FTO: variants seen among roughly 807,000 people sequenced by gnomAD.
FTO encodes the protein alpha-ketoglutarate-dependent dioxygenase FTO.
A neutral mutation model predicts 63.9 loss-of-function variants in FTO; 47 were observed. The observed-to-expected ratio is 0.74, with a 90% CI of 0.58 to 0.94. The LOEUF (loss-of-function observed/expected upper bound fraction) is 0.94. FTO is among the 40% of genes least tolerant of loss of function. FTO has a pLI of 0.00. For synonymous variants in FTO, 207 were observed against 224.4 expected (o/e 0.92, Z 0.69); for missense variants, 562 against 618.1 (o/e 0.91, Z 0.96).
intron 1 of FTO, among the ~76,000 whole-genome samples, chr16:53,792,721 G>A (rs2077957169): frequency 6.6e-6 from 1 of 152,150 alleles, no homozygotes; most frequent in African/African-American, 2.4e-5. Flanking sequence ...GACTACCAAA[G>A]TATAAGATTT....
chr16:53,707,866 T>A (rs1465651899), intron 1 of FTO, among the ~76,000 whole-genome samples: 1 of 152,216 alleles, frequency 6.6e-6, no homozygotes, highest in Non-Finnish European at 1.5e-5. Flanking sequence ...TTGTATTCAT[T>A]TGCAGTTATT....
At chr16:53,772,175 T>C (rs896771820) in intron 1 of FTO, among the ~76,000 whole-genome samples, 7 of 152,100 alleles carry the variant, frequency 4.6e-5, no homozygotes, top group African/African-American at 1.7e-4. Flanking sequence ...TCTGATCTTT[T>C]TCCCTGAATC....
At chr16:53,742,052 T>G (rs1237995681) in intron 1 of FTO, among the ~76,000 whole-genome samples, 1 of 151,680 alleles carries the variant, frequency 6.6e-6, no homozygotes, top group Non-Finnish European at 1.5e-5. Context: ...GAGTGGGGGG[T>G]AGGTTACAGA....
At chr16:53,841,951 T>G (rs1299307672) in intron 3 of FTO, among the ~76,000 whole-genome samples, 1 of 152,248 alleles carries the variant, frequency 6.6e-6, no homozygotes, top group African/African-American at 2.4e-5. Context: ...TAAACTTCTT[T>G]AGTACTGAGG....
intron 8 of FTO, among the ~76,000 whole-genome samples, chr16:54,022,960 T>A (rs1331405571): frequency 6.6e-6 from 1 of 152,230 alleles, no homozygotes; most frequent in Non-Finnish European, 1.5e-5. Context: ...TCAAAGGCAT[T>A]TGAAACGTGG....
At chr16:53,873,497 A>C (rs1437882131) in intron 4 of FTO, among the ~76,000 whole-genome samples, 2 of 149,366 alleles carry the variant, frequency 1.3e-5, no homozygotes, top group Admixed American at 6.7e-5. Context: ...AGTATATATA[A>C]GTATATCATA....
intron 1 of FTO, among the ~76,000 whole-genome samples, chr16:53,732,763 A>G (rs954505943): frequency 4.6e-5 from 7 of 152,156 alleles, no homozygotes; most frequent in African/African-American, 1.7e-4. Context: ...AGGCCAGCAG[A>G]TTTCTGTTTA....
intron 8 of FTO, among the ~76,000 whole-genome samples, chr16:54,094,542 C>T (rs1348233242): frequency 2.6e-5 from 4 of 152,170 alleles, no homozygotes; most frequent in African/African-American, 4.8e-5. Context: ...CCTGAATTCA[C>T]GGCACCAAAA....
intron 1 of FTO, among the ~76,000 whole-genome samples, chr16:53,709,247 A>C (rs2075707954): frequency 6.6e-6 from 1 of 152,244 alleles, no homozygotes; most frequent in African/African-American, 2.4e-5. Context: ...AGGTTGGACC[A>C]CATAGCTTTC....
intron 1 of FTO, among the ~76,000 whole-genome samples, chr16:53,776,366 C>T (rs890278661): frequency 7.9e-5 from 12 of 152,092 alleles, no homozygotes; most frequent in Admixed American, 6.5e-5. Context: ...GGGCCTTAAG[C>T]GAATTACACA....
chr16:53,842,106 A>AT (rs1371492025), intron 3 of FTO, among the ~76,000 whole-genome samples: 3 of 152,178 alleles, frequency 2.0e-5, no homozygotes, highest in African/African-American at 7.2e-5. Flanking sequence ...CTAAAAGAAC[A>AT]TTTTGTTTAA....
intron 4 of FTO, among the ~76,000 whole-genome samples, chr16:53,857,982 A>C (rs931659141): frequency 7.4e-5 from 11 of 147,754 alleles, no homozygotes; most frequent in African/African-American, 2.7e-4. Context: ...CAATGCTCAA[A>C]ATATAAAAGT....
At chr16:54,038,678 A>G (rs952534712) in intron 8 of FTO, among the ~76,000 whole-genome samples, 1 of 152,020 alleles carries the variant, frequency 6.6e-6, no homozygotes, top group Admixed American at 6.6e-5. Context: ...TTCATGAGAG[A>G]GCTTGTTGTT....
chr16:53,972,517 A>G (rs2083347993), intron 8 of FTO, among the ~76,000 whole-genome samples: 3 of 152,322 alleles, frequency 2.0e-5, no homozygotes, highest in African/African-American at 7.2e-5. Context: ...CAAGACAATA[A>G]ATTGGTAATA....
At chr16:53,841,767 A>T (rs191185844) in intron 3 of FTO, among the ~76,000 whole-genome samples, 2 of 152,202 alleles carry the variant, frequency 1.3e-5, no homozygotes, top group African/African-American at 4.8e-5. Context: ...TGATATATAC[A>T]TGATACAGCC....
chr16:53,805,000 A>G (rs551989323), intron 1 of FTO, among the ~76,000 whole-genome samples: 1 of 152,246 alleles, frequency 6.6e-6, no homozygotes, highest in African/African-American at 2.4e-5. Context: ...TTTCCCACTT[A>G]AAACCCTCAT....
intron 8 of FTO, among the ~76,000 whole-genome samples, chr16:54,042,103 G>T (rs994552555): frequency 1.3e-5 from 2 of 152,204 alleles, no homozygotes; most frequent in East Asian, 3.9e-4. Flanking sequence ...ATTTGGAGGA[G>T]CCAAGATGGC....
intron 7 of FTO, among the ~76,000 whole-genome samples, chr16:53,910,398 G>T (rs186123866): frequency 6.6e-6 from 1 of 152,098 alleles, no homozygotes; most frequent in South Asian, 2.1e-4. Flanking sequence ...AATTAGAACT[G>T]GTAGCAGCAT....
intron 1 of FTO, among the ~76,000 whole-genome samples, chr16:53,710,412 C>T (rs1045935595): frequency 2.5e-4 from 38 of 151,834 alleles, no homozygotes; most frequent in African/African-American, 9.0e-4. Flanking sequence ...ACTACAGACA[C>T]GTGCCACCAC....
Sources: allele counts gnomAD v4.1 joint callset (sites outside exome capture counted in the v4.1 genomes callset), GRCh38; gene constraint gnomAD v4.1.1; transcripts MANE v1.5; gene names NCBI Gene and HGNC (gene_info 2026-07-23, HGNC 2026-07-21).